Variants in UHRF2 observed in about 807,000 individuals in gnomAD.
UHRF2 encodes ubiquitin like with PHD and ring finger domains 2, also known as E3 ubiquitin-protein ligase UHRF2.
UHRF2 carries 23 observed loss-of-function variants against 96.8 expected under a neutral mutation model. The ratio of observed to expected loss-of-function variants is 0.24; its 90% CI spans 0.17 to 0.34. The LOEUF (loss-of-function observed/expected upper bound fraction) is 0.34. UHRF2 is among the 10% of genes least tolerant of loss of function. UHRF2 has a pLI of 1.00. For missense variants in UHRF2, 685 were observed against 981.5 expected (o/e 0.70, Z 4.04); for synonymous variants, 385 against 332.6 (o/e 1.16, Z -1.72).
intron 1 of UHRF2, chr9:6,413,970 G>T: frequency 4.9e-6 from 1 of 203,998 alleles, no homozygotes; most frequent in Non-Finnish European, 9.8e-6. Flanking sequence ...CGCTCGGCGG[G>T]GCCTGGGGCC....
chr9:6,448,476 AC>A lies in UHRF2; in HGVS notation c.645-12096del, dbSNP rs199832982. 1.0e-3 allele frequency among the ~76,000 whole-genome samples: 158 copies of A among 152,286 alleles called. 2 individuals carry two copies. The East Asian group carries it at 0.025, about 25-fold the overall frequency. ...TAGAGCCAGGTGATCAGTTTGAAAAACGTCTCTGTTTTTATTACCGTCCAAA... is the reference window on the plus strand; with the variant it reads ...TAGAGCCAGGTGATCAGTTTGAAAAAGTCTCTGTTTTTATTACCGTCCAAA... On this transcript the variant is annotated intron_variant, in intron 3 of 15. Transcript: ENST00000276893.
intron 4 of UHRF2, among the ~76,000 whole-genome samples, chr9:6,466,475 GGTT>G (rs1348771619): frequency 1.3e-5 from 2 of 150,902 alleles, no homozygotes; most frequent in Non-Finnish European, 1.5e-5. Flanking sequence ...AGGAGGCTGA[GGTT>G]GTAGTGAGCA....
intron 8 of UHRF2, among the ~76,000 whole-genome samples, chr9:6,483,110 G>A (rs1391410987): frequency 2.0e-5 from 3 of 151,944 alleles, no homozygotes; most frequent in African/African-American, 7.3e-5. Flanking sequence ...CAGATCGCTT[G>A]AGGCCAGGAA....
intron 1 of UHRF2, among the ~76,000 whole-genome samples, chr9:6,416,895 A>T (rs766139341): frequency 6.0e-4 from 91 of 152,100 alleles, no homozygotes; most frequent in Non-Finnish European, 1.1e-3. Flanking sequence ...TTCACTCCTT[A>T]CCACTATAGA....
intron 8 of UHRF2, among the ~76,000 whole-genome samples, chr9:6,483,232 G>T (rs1180881218): frequency 2.0e-5 from 3 of 151,622 alleles, no homozygotes; most frequent in Non-Finnish European, 4.4e-5. Flanking sequence ...GGCTGAGGCA[G>T]GGGAATTGCT....
At chr9:6,438,579 GAGTGTAGC>G (rs1391857717) in intron 3 of UHRF2, among the ~76,000 whole-genome samples, 1 of 152,208 alleles carries the variant, frequency 6.6e-6, no homozygotes, top group African/African-American at 2.4e-5. Context: ...CAAACCTCTT[GAGTGTAGC>G]AGTGTAGTTT....
rs1044448998 is a variant in UHRF2 at position 6,499,901 on chromosome 9, A to G, written c.1975A>G (p.Ser659Gly). 5.0e-6 allele frequency: 8 copies of G among 1,612,234 alleles called. No homozygotes were observed. The highest frequency in any genetic ancestry group is 6.8e-6 in the Non-Finnish European group (8 of 1,178,970). ...TAAAGGACAGTCAAAGAAGCAGCCC[A>G]GTGGAACCACAAAAAGGCCAATTTC... ...KPKGQSKKQP[S>G]GTTKRPISDD... is the part of the protein sequence containing the mutation. The change falls in exon 13 of 16, where the codon AGT (serine) becomes GGT (glycine). Residue 659 changes from serine to glycine, a missense_variant. By Grantham distance (56) the Ser-to-Gly change is moderately conservative. Coordinates refer to ENST00000276893, the MANE Select transcript of UHRF2 (RefSeq NM_152896.3).
Position 6,499,823 on chromosome 9 carries a change from C to A in UHRF2, c.1909-12C>A, listed in dbSNP as rs1397007732. On this transcript the variant is annotated splice_polypyrimidine_tract_variant and intron_variant, in intron 12 of 15. Transcript: ENST00000276893. ...AATCTGCATTGTACTCTCCCTCCTC[C>A]CCCCCCATCAGTATCCAGCAGGTTA... 2.0e-6 allele frequency: 3 copies of A among 1,509,872 alleles called. No homozygotes were observed. Among genetic ancestry groups the A allele is most frequent in the South Asian group, 1.1e-5 (1 of 87,954 alleles). 93.5% of individuals were successfully genotyped at this position (1,509,872 alleles called of 1,614,324 possible). A position where few individuals can be genotyped will look rare whatever the true frequency, so the allele number is the denominator to read the frequency against.
At chr9:6,478,638 C>G (rs1311787470) in intron 6 of UHRF2, among the ~76,000 whole-genome samples, 1 of 152,112 alleles carries the variant, frequency 6.6e-6, no homozygotes, top group Non-Finnish European at 1.5e-5. Context: ...TCTTTTTAAA[C>G]TATGTGCCAT....
intron 2 of UHRF2, chr9:6,422,487 C>T: frequency 2.4e-6 from 1 of 418,920 alleles, no homozygotes; most frequent in Admixed American, 4.3e-5. Context: ...GCATATAAAG[C>T]TCTACAAATC....
intron 5 of UHRF2, among the ~76,000 whole-genome samples, chr9:6,476,162 A>G (rs1044886710): frequency 2.0e-5 from 3 of 152,120 alleles, no homozygotes; most frequent in African/African-American, 7.2e-5. Flanking sequence ...GGCTTCTTTC[A>G]CTTAACATAA....
chr9:6,434,081 G>A lies in UHRF2; in HGVS notation c.552G>A (p.Glu184=), dbSNP rs1563752325. The A allele has an allele frequency of 1.2e-6, 2 of 1,614,040 alleles. No homozygotes were observed. Among genetic ancestry groups the A allele is most frequent in the Non-Finnish European group, 1.7e-6 (2 of 1,179,992 alleles). ...GAAATATAAAGCATAAATCCAAAGA[G>A]AACACAAATAAATTGGACAGTGTAC... The part of the protein sequence containing the change: ...TNGNIKHKSK[E]NTNKLDSVPS... Residue 184 remains glutamate, a synonymous_variant, in exon 3 of 16, where the codon GAG becomes GAA. Transcript: ENST00000276893.
intron 3 of UHRF2, among the ~76,000 whole-genome samples, chr9:6,447,560 G>T (rs888743342): frequency 2.6e-5 from 4 of 152,144 alleles, no homozygotes; most frequent in Non-Finnish European, 5.9e-5. Context: ...CTGGAGTGTA[G>T]AAAGCATATA....
chr9:6,488,239 A>G, intron 9 of UHRF2, among the ~76,000 whole-genome samples: 1 of 110,564 alleles, frequency 9.0e-6, no homozygotes, highest in African/African-American at 3.6e-5. Context: ...AGAGAGCAAG[A>G]CCCTGTCTCC....
intron 4 of UHRF2, among the ~76,000 whole-genome samples, chr9:6,472,726 A>G (rs1823321257): frequency 1.3e-5 from 2 of 152,242 alleles, no homozygotes; most frequent in Admixed American, 1.3e-4. Flanking sequence ...TAGAAGGGAA[A>G]TATGCAAAAA....
At chr9:6,478,110 A>C (rs931887990) in intron 6 of UHRF2, among the ~76,000 whole-genome samples, 2 of 152,034 alleles carry the variant, frequency 1.3e-5, no homozygotes, top group African/African-American at 4.8e-5. Context: ...TTACAGGAGG[A>C]CCCTGTGTGA....
chr9:6,486,725 TG>T, intron 8 of UHRF2, 95 bp from the exon 9 acceptor site: 1 of 1,171,440 alleles, frequency 8.5e-7, no homozygotes, highest in Non-Finnish European at 1.2e-6. Flanking sequence ...ACTCACTTCT[TG>T]GGTCTTTAGG....
chr9:6,428,012 G>A (rs1287196589), intron 2 of UHRF2, among the ~76,000 whole-genome samples: 1 of 152,138 alleles, frequency 6.6e-6, no homozygotes, highest in Non-Finnish European at 1.5e-5. Context: ...CAGAAAGATC[G>A]TACTTTCAAG....
chr9:6,444,169 T>G (rs889590312), intron 3 of UHRF2, among the ~76,000 whole-genome samples: 7 of 152,226 alleles, frequency 4.6e-5, no homozygotes, highest in African/African-American at 1.7e-4. Context: ...ATGTCAGTCT[T>G]GAGTACAGGA....
Sources: allele counts gnomAD v4.1 joint callset (sites outside exome capture counted in the v4.1 genomes callset), GRCh38; gene constraint gnomAD v4.1.1; transcripts MANE v1.5; gene names NCBI Gene and HGNC (gene_info 2026-07-23, HGNC 2026-07-21).